Variants in VTI1A observed in about 807,000 individuals in gnomAD.
VTI1A encodes the protein vesicle transport through interaction with t-SNAREs homolog 1A.
A neutral mutation model predicts 34.9 loss-of-function variants in VTI1A; 22 were observed. That is an observed-to-expected ratio of 0.63 (90% CI 0.45 to 0.90). The LOEUF is 0.90. Ranked by LOEUF, VTI1A falls within the 40% of genes least tolerant of loss-of-function variation. The probability of loss-of-function intolerance (pLI) is 0.00; values close to 1 mark genes in which losing one functional copy is unlikely to be tolerated. For synonymous variants in VTI1A, 87 were observed against 97.3 expected (o/e 0.89, Z 0.62); for missense variants, 268 against 275.6 (o/e 0.97, Z 0.20).
intron 7 of VTI1A, among the ~76,000 whole-genome samples, chr10:112,687,529 G>A (rs188069731): frequency 6.6e-6 from 1 of 151,700 alleles, no homozygotes; most frequent in Non-Finnish European, 1.5e-5. Flanking sequence ...CACTGCGCCC[G>A]GCAACTTTTT....
chr10:112,733,285 C>T (rs115122840), intron 7 of VTI1A, among the ~76,000 whole-genome samples: 2,767 of 152,100 alleles, frequency 0.018, 87 homozygotes, highest in African/African-American at 0.063. Context: ...GAAAGTATAG[C>T]ATGCAGTATA....
intron 7 of VTI1A, among the ~76,000 whole-genome samples, chr10:112,723,573 C>T (rs911124919): frequency 3.3e-5 from 5 of 152,184 alleles, no homozygotes; most frequent in Non-Finnish European, 7.3e-5. Context: ...CCTCCTGAAT[C>T]TTCAGGACAA....
chr10:112,570,774 C>T (rs1321617636), intron 5 of VTI1A, among the ~76,000 whole-genome samples: 1 of 152,214 alleles, frequency 6.6e-6, no homozygotes, highest in Non-Finnish European at 1.5e-5. Flanking sequence ...TAGAAGGTAT[C>T]CCTCTCAGCA....
rs1180451909 is a variant in VTI1A, at chr10:112,597,693, C to CTTTTTT, written c.427+59380_427+59385dup. On this transcript the variant is annotated intron_variant, in intron 5 of 7. Transcript: ENST00000393077. ...TGGGCAACATAGTGAGACCTTGTCT[C>CTTTTTT]TTTTTTTTTTTTTTTTTTTTTTGAG... Among the ~76,000 whole-genome samples, 140 of 90,620 alleles carry CTTTTTT rather than the reference C, an allele frequency of 1.5e-3. 4 individuals are homozygous for CTTTTTT. The highest frequency in any genetic ancestry group is 1.9e-3 in the Non-Finnish European group (92 of 49,582). 59.5% of individuals were successfully genotyped at this position (90,620 alleles called of 152,430 possible).
chr10:112,599,631 G>A (rs1844807505), intron 5 of VTI1A, among the ~76,000 whole-genome samples: 1 of 152,126 alleles, frequency 6.6e-6, no homozygotes, highest in African/African-American at 2.4e-5. Context: ...CCAGGCAGGA[G>A]TGCAGTGGCA....
chr10:112,672,574 C>T (rs548287281), intron 7 of VTI1A, among the ~76,000 whole-genome samples: 1 of 152,208 alleles, frequency 6.6e-6, no homozygotes, highest in South Asian at 2.1e-4. Flanking sequence ...TATGTTGTAA[C>T]TGGGTCCAAT....
At chr10:112,647,831 G>T (rs925195347) in intron 5 of VTI1A, among the ~76,000 whole-genome samples, 2 of 152,038 alleles carry the variant, frequency 1.3e-5, no homozygotes, top group Non-Finnish European at 2.9e-5. Flanking sequence ...GTGCAGTGGC[G>T]CAATCTTGGC....
intron 3 of VTI1A, among the ~76,000 whole-genome samples, chr10:112,518,611 A>ATG (rs1365789222): frequency 0.095 from 12,609 of 132,930 alleles, 897 homozygotes; most frequent in East Asian, 0.36. Flanking sequence ...ATATATATAT[A>ATG]TGTGTGTGTG....
intron 5 of VTI1A, among the ~76,000 whole-genome samples, chr10:112,611,351 A>G (rs1447416662): frequency 1.3e-5 from 2 of 152,202 alleles, no homozygotes; most frequent in African/African-American, 4.8e-5. Flanking sequence ...GCTATGTAGC[A>G]AGTAACTTGG....
chr10:112,676,317 G>T lies in VTI1A; in HGVS notation c.560+7319G>T, dbSNP rs112897868. 1.3e-5 allele frequency among the ~76,000 whole-genome samples: 2 copies of T among 151,882 alleles called. 1 individual carries two copies. Among genetic ancestry groups the T allele is most frequent in the Admixed American group, 1.3e-4 (2 of 15,248 alleles). On this transcript the variant is annotated intron_variant, in intron 7 of 7. Coordinates refer to ENST00000393077, the MANE Select transcript of VTI1A (RefSeq NM_145206.4). Reference sequence around the variant, plus strand: ...AATACTTCTTGCACTGCTCTGGTGCGTTCTGAGTACTACCTGGAGCAAAGC... The same window carrying T: ...AATACTTCTTGCACTGCTCTGGTGCTTTCTGAGTACTACCTGGAGCAAAGC...
intron 3 of VTI1A, among the ~76,000 whole-genome samples, chr10:112,511,587 CA>C (rs1333463267): frequency 2.0e-5 from 3 of 152,046 alleles, no homozygotes; most frequent in Admixed American, 1.3e-4. Flanking sequence ...GTGTTCAATT[CA>C]GGTTATTTAC....
intron 7 of VTI1A, among the ~76,000 whole-genome samples, chr10:112,709,682 CTTTTTTTT>C (rs57081938): frequency 2.8e-5 from 2 of 70,284 alleles, no homozygotes; most frequent in Non-Finnish European, 5.2e-5. Context: ...CTCTATGTGG[CTTTTTTTT>C]TTTTTTTTTT....
chr10:112,667,249 A>G (rs2133832967), intron 5 of VTI1A, among the ~76,000 whole-genome samples: 1 of 152,252 alleles, frequency 6.6e-6, no homozygotes, highest in South Asian at 2.1e-4. Context: ...AGACAATGCA[A>G]GAGGGAAAAG....
intron 5 of VTI1A, among the ~76,000 whole-genome samples, chr10:112,608,114 A>T (rs1845158038): frequency 6.6e-6 from 1 of 152,172 alleles, no homozygotes; most frequent in South Asian, 2.1e-4. Flanking sequence ...GCTACCACAG[A>T]ACTCTACTGT....
chr10:112,525,337 G>T (rs990059285), intron 3 of VTI1A, among the ~76,000 whole-genome samples: 1 of 152,168 alleles, frequency 6.6e-6, no homozygotes, highest in African/African-American at 2.4e-5. Flanking sequence ...TTAGGGTGGA[G>T]ACTCAGGGCG....
intron 7 of VTI1A, among the ~76,000 whole-genome samples, chr10:112,755,305 C>A (rs983319228): frequency 6.6e-6 from 1 of 152,114 alleles, no homozygotes; most frequent in African/African-American, 2.4e-5. Context: ...AATTCTGTGA[C>A]ATATCTGCCA....
At chr10:112,580,378 A>G (rs1468573374) in intron 5 of VTI1A, among the ~76,000 whole-genome samples, 1 of 152,214 alleles carries the variant, frequency 6.6e-6, no homozygotes, top group Non-Finnish European at 1.5e-5. Context: ...AGAACTTAGA[A>G]AGAAGATGGG....
chr10:112,713,460 G>A (rs1373515526), intron 7 of VTI1A, among the ~76,000 whole-genome samples: 1 of 151,096 alleles, frequency 6.6e-6, no homozygotes, highest in Non-Finnish European at 1.5e-5. Context: ...AACCTATAAG[G>A]GAGGCATTAT....
chr10:112,534,287 A>T (rs1216594998), intron 4 of VTI1A, among the ~76,000 whole-genome samples: 2 of 152,164 alleles, frequency 1.3e-5, no homozygotes, highest in East Asian at 1.9e-4. Context: ...TTCTATTTTT[A>T]AAAAATTAAG....
Sources: gnomAD v4.1 joint callset for allele counts (sites outside exome capture counted in the v4.1 genomes callset) on GRCh38, gnomAD v4.1.1 for gene constraint, MANE v1.5 for transcripts, NCBI Gene and HGNC (gene_info 2026-07-23, HGNC 2026-07-21) for gene names.